Variants in PAQR8 observed in about 807,000 individuals in gnomAD.
The protein encoded by PAQR8 is progestin and adipoQ receptor family member 8, also known as membrane progestin receptor beta.
A neutral mutation model predicts 25.2 loss-of-function variants in PAQR8; 17 were observed. The observed-to-expected ratio is 0.67, with a 90% confidence interval of 0.46 to 1.01. The LOEUF (loss-of-function observed/expected upper bound fraction) is 1.01, where lower values mean the gene tolerates loss of function less well. Ranked by LOEUF, PAQR8 falls within the 50% of genes least tolerant of loss-of-function variation. The probability of loss-of-function intolerance (pLI) is 0.00; values close to 1 mark genes in which losing one functional copy is unlikely to be tolerated. For synonymous variants in PAQR8, 204 were observed against 190.6 expected, an observed-to-expected ratio of 1.07 and a Z score of -0.58; for missense variants, 392 against 448.4, an observed-to-expected ratio of 0.87 and a Z score of 1.14.
chr6:52,392,738 G>A (rs774863033), intron 1 of PAQR8, among the ~76,000 whole-genome samples: 103 of 152,182 alleles, frequency 6.8e-4, no homozygotes, highest in Admixed American at 1.3e-3. Flanking sequence ...GTTCTGTAAA[G>A]CTAGCCACAA....
chr6:52,394,737 ATTTTCAACTTAAGACG>A lies in PAQR8; in HGVS notation c.-52-8412_-52-8397del, dbSNP rs552902565. Among the ~76,000 whole-genome samples the A allele has an allele frequency of 1.8e-4, 28 of 152,276 alleles. 1 individual carries two copies. The East Asian group carries it at 5.0e-3, about 27-fold the overall frequency. ...TCAGTAGATTAGGTGCATTAAATGC[ATTTTCAACTTAAGACG>A]TTTTCAACTTAACAATGGGTTTACT... On this transcript the variant is annotated intron_variant, in intron 1 of 1. Coordinates refer to ENST00000442253, the MANE Select transcript of PAQR8 (RefSeq NM_133367.5).
chr6:52,377,675 CCTAGGAAGT>C (rs1763500979), intron 1 of PAQR8, among the ~76,000 whole-genome samples: 2 of 151,864 alleles, frequency 1.3e-5, no homozygotes, highest in Non-Finnish European at 2.9e-5. Flanking sequence ...TTCCCAAAAG[CCTAGGAAGT>C]TTTGTTTAAG....
At chr6:52,365,295 T>C (rs1763338662) in intron 1 of PAQR8, among the ~76,000 whole-genome samples, 1 of 152,036 alleles carries the variant, frequency 6.6e-6, no homozygotes, top group South Asian at 2.1e-4. Context: ...AAAAATGTAC[T>C]GAACATATCC....
At position 52,380,373 on chromosome 6, in the gene PAQR8, G is replaced by C. The variant is rs866323650; in HGVS notation, c.-53+18124G>C. On this transcript the variant is annotated intron_variant, in intron 1 of 1. Transcript: ENST00000442253. ...TGTATATCTTTTAAAGTACATATTC[G>C]TGGGCAGCTGTGGACGTGGACATTT... 2.6e-5 allele frequency among the ~76,000 whole-genome samples: 4 copies of C among 152,166 alleles called. No homozygotes were observed. The East Asian group carries it at 5.8e-4, about 22-fold the overall frequency.
intron 1 of PAQR8, among the ~76,000 whole-genome samples, chr6:52,370,929 C>G (rs1446347475): frequency 6.6e-6 from 1 of 152,026 alleles, no homozygotes; most frequent in East Asian, 1.9e-4. Context: ...TGGGTGTTTG[C>G]AGAAAGGAAA....
At chr6:52,402,715 G>A (rs914203275) in intron 1 of PAQR8, among the ~76,000 whole-genome samples, 7 of 152,024 alleles carry the variant, frequency 4.6e-5, no homozygotes, top group African/African-American at 1.7e-4. Context: ...ATTAAAGGAG[G>A]CTCAAAGAAG....
At chr6:52,395,501 A>T in intron 1 of PAQR8, among the ~76,000 whole-genome samples, 1 of 152,204 alleles carries the variant, frequency 6.6e-6, no homozygotes, top group East Asian at 1.9e-4. Flanking sequence ...AATGTCCTCC[A>T]TGGGCACTTC....
intron 1 of PAQR8, among the ~76,000 whole-genome samples, chr6:52,389,397 T>G (rs1325071683): frequency 3.3e-5 from 5 of 152,168 alleles, no homozygotes; most frequent in African/African-American, 1.2e-4. Context: ...TGTTCCTGTC[T>G]CCAGAGGCTT....
Position 52,378,564 on chromosome 6 carries a change from G to A in PAQR8, c.-53+16315G>A, listed in dbSNP as rs578094892. Among the ~76,000 whole-genome samples the A allele has an allele frequency of 1.8e-3, 280 of 152,244 alleles. 2 individuals are homozygous for A. Among genetic ancestry groups the A allele is most frequent in the African/African-American group, 5.9e-3 (247 of 41,528 alleles). On this transcript the variant is annotated intron_variant, in intron 1 of 1. Coordinates refer to ENST00000442253, the MANE Select transcript of PAQR8 (RefSeq NM_133367.5). ...TCCCAGCACTTTGGGAGGCCGAGGC[G>A]GGCGGATCACGAGGTCAGGAGTTCA...
At chr6:52,370,635 C>T (rs1763407611) in intron 1 of PAQR8, among the ~76,000 whole-genome samples, 1 of 152,060 alleles carries the variant, frequency 6.6e-6, no homozygotes, top group Non-Finnish European at 1.5e-5. Flanking sequence ...GGAGAAACAA[C>T]CTGAGTGAGA....
Position 52,403,807 on chromosome 6 carries a change from A to G in PAQR8, c.594A>G (p.Lys198=). 6.2e-7 allele frequency: 1 copy of G among 1,614,200 alleles called. No homozygotes were observed. The highest frequency in any genetic ancestry group is 1.3e-5 in the African/African-American group (1 of 75,044). Residue 198 remains lysine, a synonymous_variant, in exon 2 of 2, where the codon AAA becomes AAG. Coordinates refer to ENST00000442253, the MANE Select transcript of PAQR8 (RefSeq NM_133367.5). ...CTTGTGCTGGCTGTTGCTATGCCAAATATCGTTACCGGAGGCCTTATCCAG... is the reference window on the plus strand; with the variant it reads ...CTTGTGCTGGCTGTTGCTATGCCAAGTATCGTTACCGGAGGCCTTATCCAG... ...WLSCAGCCYA[K]YRYRRPYPVM...
Position 52,405,944 on chromosome 6 carries a change from A to G in PAQR8, c.*1666A>G, listed in dbSNP as rs371606102. The G allele has an allele frequency of 6.0e-6, 1 of 166,966 alleles. No individual in the cohort carries two copies. The highest frequency in any genetic ancestry group is 2.1e-4 in the South Asian group (1 of 4,828). The allele number at this position is 166,966 out of a possible 1,614,324, so 10.3% of individuals were successfully genotyped here. A position where few individuals can be genotyped will look rare whatever the true frequency, so the allele number is the denominator to read the frequency against. ...ATCAATCAAAAGACTTTCTCAATCT[A>G]TTTTGGCCACAAACAAACATATTCA... On this transcript the variant is annotated 3_prime_UTR_variant, in exon 2 of 2. Transcript: ENST00000442253.
chr6:52,384,908 T>A (rs13212158), intron 1 of PAQR8, among the ~76,000 whole-genome samples: 30,577 of 152,002 alleles, frequency 0.2, 3,603 homozygotes, highest in Non-Finnish European at 0.26. Flanking sequence ...AAATAAACAA[T>A]GGGGAAAGGA....
intron 1 of PAQR8, among the ~76,000 whole-genome samples, chr6:52,394,912 C>T (rs1437698852): frequency 6.6e-6 from 1 of 151,568 alleles, no homozygotes; most frequent in African/African-American, 2.4e-5. Flanking sequence ...GGGATTTTTA[C>T]CCCATTTTTC....
chr6:52,390,273 T>G (rs1763688120), intron 1 of PAQR8, among the ~76,000 whole-genome samples: 1 of 152,228 alleles, frequency 6.6e-6, no homozygotes, highest in South Asian at 2.1e-4. Flanking sequence ...TTAGCTGAGA[T>G]GTGGAAAGTA....
intron 1 of PAQR8, among the ~76,000 whole-genome samples, chr6:52,394,527 A>C (rs1419717195): frequency 6.6e-6 from 1 of 152,182 alleles, no homozygotes; most frequent in Non-Finnish European, 1.5e-5. Flanking sequence ...AAGGCTAGTG[A>C]TAGGTGGTGA....
chr6:52,369,778 A>C (rs923851346), intron 1 of PAQR8, among the ~76,000 whole-genome samples: 1 of 152,204 alleles, frequency 6.6e-6, no homozygotes, highest in African/African-American at 2.4e-5. Context: ...TTCCATGGTG[A>C]ATTCATTCCA....
chr6:52,384,052 A>G (rs1763600055), intron 1 of PAQR8, among the ~76,000 whole-genome samples: 1 of 152,206 alleles, frequency 6.6e-6, no homozygotes, highest in Admixed American at 6.5e-5. Context: ...TGCTGTGATT[A>G]AAAATAATAC....
intron 1 of PAQR8, among the ~76,000 whole-genome samples, chr6:52,368,813 C>T (rs551875635): frequency 6.6e-6 from 1 of 152,184 alleles, no homozygotes; most frequent in Admixed American, 6.5e-5. Flanking sequence ...CTGTGTCTCC[C>T]ACCCAAATCT....
Sources: allele counts gnomAD v4.1 joint callset (sites outside exome capture counted in the v4.1 genomes callset), GRCh38; gene constraint gnomAD v4.1.1; transcripts MANE v1.5; gene names NCBI Gene and HGNC (gene_info 2026-07-23, HGNC 2026-07-21).